The following IQSEC1 variants were observed in gnomAD, a reference collection of about 807,000 sequenced individuals.
The protein encoded by IQSEC1 is IQ motif and Sec7 domain ArfGEF 1, also known as IQ motif and SEC7 domain-containing protein 1.
Under a neutral mutation model 91.0 loss-of-function variants are expected in IQSEC1, and 31 were observed. That is an observed-to-expected ratio of 0.34 (90% CI 0.26 to 0.46). IQSEC1 has a LOEUF of 0.46. IQSEC1 is among the 20% of genes least tolerant of loss of function. The pLI is 1.00. For missense variants in IQSEC1, 1,388 were observed against 1,575.6 expected (o/e 0.88, Z 2.02); for synonymous variants, 699 against 662.6 (o/e 1.05, Z -0.84).
intron 1 of IQSEC1, among the ~76,000 whole-genome samples, chr3:13,260,900 T>TG (rs1695374425): frequency 6.6e-6 from 1 of 151,778 alleles, no homozygotes; most frequent in African/African-American, 2.4e-5. Flanking sequence ...ATATGAGGAG[T>TG]CCCCAGTGCT....
chr3:13,179,332 G>C lies in IQSEC1; in HGVS notation c.273-15199C>G, dbSNP rs115019282. ...AAAACCAAACAAAACATTCAAGGCAGCCAGAATAAAAAGAGACATTAACTA... is the reference window on the plus strand; with the variant it reads ...AAAACCAAACAAAACATTCAAGGCACCCAGAATAAAAAGAGACATTAACTA... On this transcript the variant is annotated intron_variant, in intron 1 of 15. Coordinates refer to the IQSEC1 transcript ENST00000648114. Among the ~76,000 whole-genome samples, 567 of 152,228 alleles carry C rather than the reference G, an allele frequency of 3.7e-3. 3 individuals are homozygous for C. The highest frequency in any genetic ancestry group is 5.7e-3 in the Admixed American group (87 of 15,282).
chr3:13,103,151 C>A lies in IQSEC1; in HGVS notation c.303-55629G>T, dbSNP rs981924082. Among the ~76,000 whole-genome samples the A allele has an allele frequency of 6.6e-6, 1 of 152,058 alleles. No individual in the cohort carries two copies. Among genetic ancestry groups the A allele is most frequent in the African/African-American group, 2.4e-5 (1 of 41,420 alleles). ...CCAGCCCCTCCCTGGCCCATGTCCC[C>A]GGCTGGCCCCAGGCAGGTCAGTTCA... On this transcript the variant is annotated intron_variant, in intron 2 of 15. Coordinates refer to the IQSEC1 transcript ENST00000648114. This position sits in a 1 kb window ranked among gnomAD's most constrained non-coding sequence, Gnocchi z 4.1.
rs78607022 is a variant in IQSEC1, at chr3:13,053,234, T to C, written c.23+19758A>G. On this transcript the variant is annotated intron_variant, in intron 1 of 13. Coordinates refer to ENST00000613206, the MANE Select transcript of IQSEC1 (RefSeq NM_001134382.3). ...GGGGATGCTGCGACCCATCCTTCCA[T>C]GAGCTTCTCTGCCACCTGCACGTCA... is the stretch of plus-strand genomic sequence containing the variant. 172 of 606,324 alleles carry C rather than the reference T, an allele frequency of 2.8e-4. 1 individual carries two copies. In the East Asian group the frequency reaches 4.6e-3, roughly 16 times the overall value. 37.6% of individuals were successfully genotyped at this position (606,324 alleles called of 1,614,324 possible).
intron 1 of IQSEC1, among the ~76,000 whole-genome samples, chr3:12,989,784 G>A (rs551700036): frequency 2.0e-5 from 3 of 152,106 alleles, no homozygotes; most frequent in Non-Finnish European, 4.4e-5. Context: ...TTCCAAACTC[G>A]CAGCCCCCAG....
At chr3:13,265,087 C>G (rs983477804) in intron 1 of IQSEC1, among the ~76,000 whole-genome samples, 7 of 152,208 alleles carry the variant, frequency 4.6e-5, no homozygotes, top group African/African-American at 1.7e-4. Context: ...GAGAAGTGAC[C>G]CTGATCCAGA....
chr3:13,186,115 A>G (rs1244434983), intron 1 of IQSEC1, among the ~76,000 whole-genome samples: 1 of 152,240 alleles, frequency 6.6e-6, no homozygotes. Flanking sequence ...CTCGTCCCAC[A>G]TGGAGCAGGG....
intron 1 of IQSEC1, among the ~76,000 whole-genome samples, chr3:13,184,705 A>T (rs888940609): frequency 1.8e-4 from 27 of 152,190 alleles, no homozygotes; most frequent in African/African-American, 5.6e-4. Flanking sequence ...ATCCCTAAGG[A>T]TCTCCAGAAA....
intron 1 of IQSEC1, among the ~76,000 whole-genome samples, chr3:13,061,967 G>A (rs1705082127): frequency 6.6e-6 from 1 of 152,184 alleles, no homozygotes; most frequent in Non-Finnish European, 1.5e-5. Context: ...ATGAGTCCCA[G>A]GGCTGACCAG....
At position 13,174,136 on chromosome 3, in the gene IQSEC1, C is replaced by T. The variant is rs112735316; in HGVS notation, c.273-10003G>A. On this transcript the variant is annotated intron_variant, in intron 1 of 15. Coordinates refer to the IQSEC1 transcript ENST00000648114. ...CTCTGGGTGCTCCTGGGGCAGGTGG[C>T]GCCCAGCCTCAGACCCTGGAATCTG... 3.0e-3 allele frequency among the ~76,000 whole-genome samples: 459 copies of T among 152,264 alleles called. 4 individuals carry two copies. Among genetic ancestry groups the T allele is most frequent in the African/African-American group, 0.01 (435 of 41,556 alleles).
chr3:13,157,215 G>A (rs1707098990), intron 2 of IQSEC1, among the ~76,000 whole-genome samples: 1 of 152,194 alleles, frequency 6.6e-6, no homozygotes, highest in Admixed American at 6.5e-5. Flanking sequence ...TTGGGATTTA[G>A]TCTAATTCCC....
intron 1 of IQSEC1, among the ~76,000 whole-genome samples, chr3:12,946,243 A>T (rs972516916): frequency 1.3e-5 from 2 of 152,224 alleles, no homozygotes; most frequent in Non-Finnish European, 2.9e-5. Context: ...CACCCACTGT[A>T]GCTGCCTTGG....
chr3:13,164,798 G>C (rs1284169177), intron 1 of IQSEC1, among the ~76,000 whole-genome samples: 1 of 152,204 alleles, frequency 6.6e-6, no homozygotes, highest in African/African-American at 2.4e-5. Flanking sequence ...GCAGCTGATG[G>C]CTAAAGCCTC....
At chr3:12,956,102 C>G (rs1400168894) in intron 1 of IQSEC1, among the ~76,000 whole-genome samples, 2 of 152,192 alleles carry the variant, frequency 1.3e-5, no homozygotes, top group Non-Finnish European at 2.9e-5. Context: ...TCAGACAAAG[C>G]GAGGTGGCAG....
In IQSEC1 at chr3:13,261,668, A is replaced by G. The variant is rs1695389969; in HGVS notation, c.272+21043T>C. ...TCTGTCCCCTGAGCTCCCAGGGCAGAGCCAGGGATGCATGGTCCCTGAGAG... is the reference window on the plus strand; with the variant it reads ...TCTGTCCCCTGAGCTCCCAGGGCAGGGCCAGGGATGCATGGTCCCTGAGAG... On this transcript the variant is annotated intron_variant, in intron 1 of 15. Coordinates refer to the IQSEC1 transcript ENST00000648114. 1.3e-5 allele frequency among the ~76,000 whole-genome samples: 2 copies of G among 152,012 alleles called. 1 individual carries two copies. The highest frequency in any genetic ancestry group is 4.1e-4 in the South Asian group (2 of 4,824).
At chr3:13,160,343 T>C (rs1707154036) in intron 2 of IQSEC1, among the ~76,000 whole-genome samples, 1 of 152,120 alleles carries the variant, frequency 6.6e-6, no homozygotes, top group African/African-American at 2.4e-5. Flanking sequence ...TTATTTTTGG[T>C]AGAGACGGGG....
chr3:12,944,766 G>C (rs1392448739), intron 1 of IQSEC1, among the ~76,000 whole-genome samples: 1 of 152,226 alleles, frequency 6.6e-6, no homozygotes, highest in African/African-American at 2.4e-5. Context: ...AGACAGACAA[G>C]CAGTTTCCCT....
chr3:12,962,917 AC>A (rs1416050775), intron 1 of IQSEC1, among the ~76,000 whole-genome samples: 1 of 152,256 alleles, frequency 6.6e-6, no homozygotes, highest in Non-Finnish European at 1.5e-5. Context: ...ACCTGGGGAT[AC>A]CAGACATCTG....
In IQSEC1 at chr3:13,072,981, C is replaced by T. The variant is rs935509398; in HGVS notation, c.23+11G>A. 4.5e-6 allele frequency: 7 copies of T among 1,551,396 alleles called. No individual in the cohort carries two copies. The highest frequency in any genetic ancestry group is 6.1e-6 in the Non-Finnish European group (7 of 1,146,696). ...TCTGGCTTCAGGCAGAAACCTGCCA[C>T]ATATACTCACAAATAGCGTCTTCTG... On this transcript the variant is annotated intron_variant, in intron 1 of 13. Coordinates refer to ENST00000613206, the MANE Select transcript of IQSEC1 (RefSeq NM_001134382.3).
At chr3:12,907,227 T>C (rs911622661) in intron 12 of IQSEC1, among the ~76,000 whole-genome samples, 4 of 151,868 alleles carry the variant, frequency 2.6e-5, no homozygotes, top group Middle Eastern at 3.2e-3. Flanking sequence ...ATAATAATAA[T>C]GACAAAACGA....
Sources: allele counts gnomAD v4.1 joint callset (sites outside exome capture counted in the v4.1 genomes callset), GRCh38; gene constraint gnomAD v4.1.1; non-coding constraint Gnocchi (gnomAD v3.1); transcripts MANE v1.5; gene names NCBI Gene and HGNC (gene_info 2026-07-23, HGNC 2026-07-21).